The following YEATS2 variants were observed in gnomAD, a reference collection of about 807,000 sequenced individuals.
The protein encoded by YEATS2 is YEATS domain containing 2.
In YEATS2, 77 loss-of-function variants were observed where a neutral mutation model predicts 163.2. The observed-to-expected ratio is 0.47, with a 90% confidence interval of 0.39 to 0.57. The LOEUF (loss-of-function observed/expected upper bound fraction) is 0.57. YEATS2 is among the 20% of genes least tolerant of loss of function. The pLI, the probability that YEATS2 is intolerant of heterozygous loss-of-function variation, is 0.00. For synonymous variants in YEATS2, 631 were observed against 645.1 expected, an observed-to-expected ratio of 0.98 and a Z score of 0.33; for missense variants, 1,549 against 1,729.8, an observed-to-expected ratio of 0.90 and a Z score of 1.85.
chr3:183,747,333 A>AT (rs1269034169), intron 8 of YEATS2, among the ~76,000 whole-genome samples: 1 of 152,152 alleles, frequency 6.6e-6, no homozygotes, highest in Non-Finnish European at 1.5e-5. Flanking sequence ...TTACTTACAC[A>AT]TTCCTTTATT....
intron 1 of YEATS2, among the ~76,000 whole-genome samples, chr3:183,705,687 T>C (rs1251365426): frequency 2.0e-5 from 3 of 152,008 alleles, no homozygotes; most frequent in Middle Eastern, 3.2e-3. Flanking sequence ...TGAAAACTAA[T>C]GTAAGGTAGT....
chr3:183,803,744 A>C, intron 26 of YEATS2: 7 of 525,310 alleles, frequency 1.3e-5, no homozygotes, highest in Non-Finnish European at 2.3e-5. Flanking sequence ...GGAGTGGGAG[A>C]GCGCAGGTGG....
At chr3:183,797,183 C>T (rs576860781) in intron 21 of YEATS2, among the ~76,000 whole-genome samples, 89 of 150,402 alleles carry the variant, frequency 5.9e-4, no homozygotes, top group Admixed American at 1.6e-3. Flanking sequence ...GCAGGAGAAT[C>T]GCTTGAACCT....
chr3:183,775,972 G>A lies in YEATS2; in HGVS notation c.2426G>A (p.Gly809Glu), dbSNP rs372090901. The change falls in exon 18 of 31, where the codon GGA (glycine) becomes GAA (glutamate). Residue 809 changes from glycine to glutamate, a missense_variant. Coordinates refer to ENST00000305135, the MANE Select transcript of YEATS2 (RefSeq NM_018023.5). The part of the protein sequence containing the change: ...GGSGAGGGGG[G>E]GGGGGSGSGG... ...AGTGGTGCCGGAGGAGGAGGAGGAG[G>A]AGGAGGAGGAGGCGGCAGTGGCAGC... is the stretch of plus-strand genomic sequence containing the variant. 8.1e-6 allele frequency: 13 copies of A among 1,609,000 alleles called. No individual in the cohort carries two copies. Among genetic ancestry groups the A allele is most frequent in the Non-Finnish European group, 1.0e-5 (12 of 1,177,146 alleles).
At chr3:183,718,391 AGTT>A in intron 3 of YEATS2, 106 bp from the exon 4 acceptor site, 1 of 768,402 alleles carries the variant, frequency 1.3e-6, no homozygotes. Context: ...TTGTTAGAGA[AGTT>A]GAGCTTTTTT....
At chr3:183,707,841 AT>A (rs1288401070) in intron 1 of YEATS2, among the ~76,000 whole-genome samples, 1 of 151,560 alleles carries the variant, frequency 6.6e-6, no homozygotes, top group Non-Finnish European at 1.5e-5. Flanking sequence ...TGCCCAGCTA[AT>A]TTTTTGTATT....
chr3:183,760,409 G>A (rs987044885), intron 13 of YEATS2, among the ~76,000 whole-genome samples: 3 of 140,360 alleles, frequency 2.1e-5, no homozygotes, highest in Non-Finnish European at 4.5e-5. Flanking sequence ...GCAACCTCCT[G>A]CCTCCTGAGT....
Position 183,806,905 on chromosome 3 carries a change from G to A in YEATS2, c.3824G>A (p.Arg1275His), listed in dbSNP as rs777644621. ...SSFSSADNLC[R>H]KLEDLQQFQK... ...TTCTCCTCTGCTGACAACCTCTGCC[G>A]CAAACTGGAGGACCTGCAACAGTTC... is the stretch of plus-strand genomic sequence containing the variant. Residue 1275 changes from arginine (R) to histidine (H), a missense_variant, in exon 28 of 31, where the codon CGC (arginine) becomes CAC (histidine). Arg to His is a conservative substitution (Grantham distance 29). Transcript: ENST00000305135. The A allele has an allele frequency of 6.8e-6, 11 of 1,613,798 alleles. No homozygotes were observed. Among genetic ancestry groups the A allele is most frequent in the African/African-American group, 1.3e-5 (1 of 74,864 alleles).
intron 11 of YEATS2, among the ~76,000 whole-genome samples, chr3:183,755,871 C>T (rs1372740500): frequency 2.0e-5 from 3 of 150,432 alleles, no homozygotes; most frequent in Admixed American, 1.3e-4. Context: ...CTCAGCCTCT[C>T]GAGGAGCTGG....
At chr3:183,804,393 G>A (rs763051519) in intron 27 of YEATS2, among the ~76,000 whole-genome samples, 5 of 152,196 alleles carry the variant, frequency 3.3e-5, no homozygotes, top group East Asian at 1.9e-4. Context: ...CACATGTTCC[G>A]GCCTGTGCCA....
chr3:183,771,401 C>T (rs937568248), intron 15 of YEATS2, among the ~76,000 whole-genome samples: 10 of 151,902 alleles, frequency 6.6e-5, no homozygotes, highest in Admixed American at 2.0e-4. Flanking sequence ...AATTTAACAT[C>T]CTACTGTTGA....
chr3:183,735,359 C>A (rs866980687), intron 7 of YEATS2, among the ~76,000 whole-genome samples: 1 of 152,228 alleles, frequency 6.6e-6, no homozygotes, highest in Admixed American at 6.5e-5. Flanking sequence ...CAGACTAAGT[C>A]TGCCTTCTCC....
intron 13 of YEATS2, 103 bp downstream of exon 13, chr3:183,759,068 G>GAGTTCGATACAGC: frequency 2.6e-6 from 2 of 775,596 alleles, no homozygotes; most frequent in Non-Finnish European, 3.9e-6. Context: ...TATTAACCAG[G>GAGTTCGATACAGC]CTGTATCGAA....
intron 26 of YEATS2, 113 bp from the exon 27 acceptor site, chr3:183,803,871 TAAA>T: frequency 1.1e-6 from 1 of 920,450 alleles, no homozygotes; most frequent in Non-Finnish European, 1.5e-6. Context: ...TTTTTTTCTT[TAAA>T]AAAAAAAATT....
chr3:183,742,899 C>A (rs184293800), intron 8 of YEATS2, among the ~76,000 whole-genome samples: 421 of 152,340 alleles, frequency 2.8e-3, no homozygotes, highest in Non-Finnish European at 3.3e-3. Flanking sequence ...AGCATCAAGG[C>A]AAGACCCTCC....
In YEATS2 at chr3:183,812,229, C is replaced by T. The variant is rs999582608; in HGVS notation, c.*1646C>T. 2.0e-5 allele frequency: 3 copies of T among 152,140 alleles called. No homozygotes were observed. The highest frequency in any genetic ancestry group is 2.9e-5 in the Non-Finnish European group (2 of 68,048). The allele number at this position is 152,140 out of a possible 1,614,324, so 9.4% of individuals were successfully genotyped here. A position where few individuals can be genotyped will look rare whatever the true frequency, so the allele number is the denominator to read the frequency against. On this transcript the variant is annotated 3_prime_UTR_variant, in exon 31 of 31. Transcript: ENST00000305135. Reference sequence around the variant, plus strand: ...CCAGCCCTGGTGACAGAGGAGACCCCGTCTCAAAAATTGATTGATCAATTC... The same window carrying T: ...CCAGCCCTGGTGACAGAGGAGACCCTGTCTCAAAAATTGATTGATCAATTC...
chr3:183,738,555 C>G (rs1428239465), intron 8 of YEATS2, among the ~76,000 whole-genome samples: 1 of 108,236 alleles, frequency 9.2e-6, no homozygotes, highest in African/African-American at 3.5e-5. Context: ...CTCCCCCCTC[C>G]CCCCACCCCA....
rs1275324074 is a variant in YEATS2, at chr3:183,715,198, C to A, written c.36C>A (p.Asp12Glu). The part of the protein sequence containing the change: ...SGIKRTIKET[D>E]PDYEDVSVAL... The stretch of plus-strand genomic sequence containing the variant: ...TCAAGCGAACCATCAAAGAAACCGA[C>A]CCTGATTACGAGGATGTATCTGTGG... The change falls in exon 2 of 31, where the codon GAC (aspartate) becomes GAA (glutamate). Residue 12 changes from aspartate to glutamate, a missense_variant. By Grantham distance (45) the Asp-to-Glu change is conservative (BLOSUM62 2). Coordinates refer to ENST00000305135, the MANE Select transcript of YEATS2 (RefSeq NM_018023.5). The A allele has an allele frequency of 6.2e-7, 1 of 1,613,494 alleles. No homozygotes were observed.
intron 23 of YEATS2, among the ~76,000 whole-genome samples, chr3:183,800,059 C>G (rs983843466): frequency 3.9e-5 from 6 of 152,064 alleles, no homozygotes; most frequent in Admixed American, 2.0e-4. Flanking sequence ...GTCTTGATCT[C>G]CTGACCTCGT....
Sources: gnomAD v4.1 joint callset for allele counts (sites outside exome capture counted in the v4.1 genomes callset) on GRCh38, gnomAD v4.1.1 for gene constraint, MANE v1.5 for transcripts, NCBI Gene and HGNC (gene_info 2026-07-23, HGNC 2026-07-21) for gene names.